DNAJC7: variants seen among roughly 807,000 people sequenced by gnomAD.
The protein encoded by DNAJC7 is DnaJ heat shock protein family (Hsp40) member C7, also known as dnaJ homolog subfamily C member 7.
In DNAJC7, 18 loss-of-function variants were observed where a neutral mutation model predicts 67.4. That is an observed-to-expected ratio of 0.27 (90% confidence interval 0.18 to 0.40). DNAJC7 has a LOEUF of 0.40. DNAJC7 is among the 10% of genes least tolerant of loss of function. The pLI, the probability that DNAJC7 is intolerant of heterozygous loss-of-function variation, is 1.00. For missense variants in DNAJC7, 419 were observed against 613.8 expected (o/e 0.68, Z 3.35); for synonymous variants, 220 against 207.8 (o/e 1.06, Z -0.50).
chr17:42,003,374 G>A (rs1340187032), intron 1 of DNAJC7: 1 of 152,200 alleles, frequency 6.6e-6, no homozygotes, highest in Non-Finnish European at 1.5e-5. Context: ...GAGACCAGTC[G>A]AGGAAAGAGT....
Position 41,977,269 on chromosome 17 carries a change from C to A in DNAJC7, c.1439G>T (p.Ser480Ile). The A allele has an allele frequency of 6.3e-7, 1 of 1,580,696 alleles. No homozygotes were observed. Reference protein sequence around the residue: ...KAFFGGPGGFSFEASGPGNFF... With the variant: ...KAFFGGPGGFIFEASGPGNFF... ...ACAGCAGGCCCACCTACCTTCAAAG[C>A]TGAAGCCGCCAGGACCGCCAAAGAA... is the stretch of plus-strand genomic sequence containing the variant. The change falls in exon 13 of 14, where the codon AGC (serine) becomes ATC (isoleucine). Residue 480 changes from serine (S) to isoleucine (I), a missense_variant. Physicochemically the swap from Ser to Ile is moderately radical, Grantham distance 142. Transcript: ENST00000457167.
chr17:41,986,223 G>A (rs1555646801), intron 9 of DNAJC7, among the ~76,000 whole-genome samples: 1 of 151,940 alleles, frequency 6.6e-6, no homozygotes, highest in Admixed American at 6.6e-5. Flanking sequence ...AAAATTTGCT[G>A]GGTGTGGTGA....
At chr17:42,014,878 A>T (rs1567973483) in intron 1 of DNAJC7, 2 of 148,680 alleles carry the variant, frequency 1.3e-5, no homozygotes, top group Admixed American at 6.7e-5. Flanking sequence ...TTTTTAATTA[A>T]TTTTTTTCTG....
chr17:42,000,390 A>G (rs1482925513), intron 2 of DNAJC7, 92 bp downstream of exon 2: 7 of 971,218 alleles, frequency 7.2e-6, no homozygotes, highest in Non-Finnish European at 6.1e-6. Flanking sequence ...AAGTGCTGGG[A>G]TTACAGGCGT....
chr17:42,000,612 G>A, intron 1 of DNAJC7, 42 bp from the exon 2 acceptor site: 1 of 1,465,602 alleles, frequency 6.8e-7, no homozygotes, highest in Non-Finnish European at 9.5e-7. Flanking sequence ...CTTTACAAAG[G>A]GAATAACCTC....
At chr17:41,985,509 G>C (rs1232062442) in intron 9 of DNAJC7, 1 of 151,246 alleles carries the variant, frequency 6.6e-6, no homozygotes, top group Non-Finnish European at 1.5e-5. Flanking sequence ...CTTTCTTTAG[G>C]TCTATATGTA....
At chr17:41,983,455 A>T (rs1364565079) in intron 10 of DNAJC7, 108 bp downstream of exon 10, 1 of 1,001,042 alleles carries the variant, frequency 1.0e-6, no homozygotes, top group Admixed American at 2.7e-5. Context: ...TGGTGATCAA[A>T]TAAGTTCTAG....
intron 5 of DNAJC7, among the ~76,000 whole-genome samples, chr17:41,992,106 C>T (rs34413281): frequency 0.023 from 3,452 of 152,320 alleles, 135 homozygotes; most frequent in African/African-American, 0.079. Context: ...CAGTGTCACA[C>T]AGCAGTGACA....
chr17:41,996,732 G>A (rs1402462872), intron 3 of DNAJC7, among the ~76,000 whole-genome samples: 6 of 152,142 alleles, frequency 3.9e-5, no homozygotes, highest in Non-Finnish European at 5.9e-5. Flanking sequence ...GCCTGAAGCC[G>A]AGATCGCGCC....
Position 41,976,492 on chromosome 17 carries a change from A to T in DNAJC7, c.*241T>A. 1.9e-6 allele frequency: 1 copy of T among 516,636 alleles called. No individual in the cohort carries two copies. The allele number at this position is 516,636 out of a possible 1,614,324, so 32.0% of individuals were successfully genotyped here. On this transcript the variant is annotated 3_prime_UTR_variant, in exon 14 of 14. Coordinates refer to ENST00000457167, the MANE Select transcript of DNAJC7 (RefSeq NM_003315.4). ...TTTTTCTTTTTTAATAAAGTTAAAC[A>T]GTAAAACAAAAATTCACAAGCTGCC...
Position 41,989,556 on chromosome 17 carries a change from C to G in DNAJC7, c.601G>C (p.Asp201His). 6.2e-7 allele frequency: 1 copy of G among 1,613,784 alleles called. No homozygotes were observed. Among genetic ancestry groups the G allele is most frequent in the South Asian group, 1.1e-5 (1 of 91,056 alleles). ...TTGGTGGAATCCATTCGTAGAATGT[C>G]ACTGCAATAGTCAGAAAAGGGCACA... ...RYPEAQSVAS[D>H]ILRMDSTNAD... is the part of the protein sequence containing the mutation. Residue 201 changes from aspartate (D) to histidine (H), a missense_variant and splice_region_variant, in exon 7 of 14, where the codon GAC (aspartate) becomes CAC (histidine). Around this residue, in one of 4 missense-constraint regions of DNAJC7, gnomAD observed 179 missense variants for 249.7 expected, o/e 0.72. Coordinates refer to ENST00000457167, the MANE Select transcript of DNAJC7 (RefSeq NM_003315.4).
intron 1 of DNAJC7, among the ~76,000 whole-genome samples, chr17:42,007,374 C>T (rs1307293931): frequency 2.6e-5 from 4 of 151,980 alleles, no homozygotes; most frequent in African/African-American, 4.8e-5. Flanking sequence ...TCCCACAGTC[C>T]GAGACCTCTT....
chr17:41,977,063 A>T, intron 13 of DNAJC7, 198 bp downstream of exon 13: 1 of 667,968 alleles, frequency 1.5e-6, no homozygotes, highest in Non-Finnish European at 2.5e-6. Context: ...TGCGGTGGCT[A>T]AAGGTCCCAA....
Position 41,995,851 on chromosome 17 carries a change from G to A in DNAJC7, c.405+460C>T, listed in dbSNP as rs140886328. On this transcript the variant is annotated intron_variant, in intron 4 of 13. Transcript: ENST00000457167. ...GAGACAGGTTCTTGCTCTGTTGCCC[G>A]GGCTATAGTGCAGTGGTGCGATCAC... is the stretch of plus-strand genomic sequence containing the variant. 5.2e-3 allele frequency among the ~76,000 whole-genome samples: 795 copies of A among 152,106 alleles called. 4 individuals carry two copies. Among genetic ancestry groups the A allele is most frequent in the Non-Finnish European group, 9.5e-3 (649 of 68,000 alleles).
chr17:41,982,612 G>A (rs2051278787), intron 10 of DNAJC7, among the ~76,000 whole-genome samples: 1 of 152,126 alleles, frequency 6.6e-6, no homozygotes, highest in Non-Finnish European at 1.5e-5. Flanking sequence ...CTGCATCAAT[G>A]AGAGATGCAG....
chr17:42,007,917 C>G (rs1201506608), intron 1 of DNAJC7, among the ~76,000 whole-genome samples: 5 of 146,692 alleles, frequency 3.4e-5, no homozygotes, highest in Non-Finnish European at 7.4e-5. Flanking sequence ...GTGATCTCAG[C>G]TCACCGCAAC....
At chr17:42,011,445 C>T (rs919928705) in intron 1 of DNAJC7, 2 of 152,180 alleles carry the variant, frequency 1.3e-5, no homozygotes, top group Non-Finnish European at 2.9e-5. Context: ...TGGATCTGAA[C>T]TAAAGCACTA....
chr17:41,981,949 T>C lies in DNAJC7; in HGVS notation c.1290A>G (p.Glu430=), dbSNP rs2051262585. ...VQKEEEKKFK[E]VGEAFTILSD... is the part of the protein sequence containing the mutation. ...AGAGGATAGTAAAGGCCTCTCCAAC[T>C]TCCTTGAACTTCTTCTCCTCCTCCT... Residue 430 remains glutamate (E), a synonymous_variant, in exon 12 of 14, where the codon GAA becomes GAG. Coordinates refer to ENST00000457167, the MANE Select transcript of DNAJC7 (RefSeq NM_003315.4). 1 of 1,613,892 alleles carries C rather than the reference T, an allele frequency of 6.2e-7. No homozygotes were observed.
intron 1 of DNAJC7, among the ~76,000 whole-genome samples, chr17:42,005,985 C>T (rs1259714794): frequency 2.6e-5 from 4 of 151,570 alleles, no homozygotes; most frequent in African/African-American, 9.7e-5. Context: ...TGACTGTCAC[C>T]CAGGCTAGAG....
Sources: allele counts gnomAD v4.1 joint callset (sites outside exome capture counted in the v4.1 genomes callset), GRCh38; gene constraint gnomAD v4.1.1; regional missense constraint gnomAD v4.1.1; transcripts MANE v1.5; gene names NCBI Gene and HGNC (gene_info 2026-07-23, HGNC 2026-07-21).